The following NXPH2 variants were observed in gnomAD, a reference collection of about 807,000 sequenced individuals.
The protein encoded by NXPH2 is neurexophilin-2.
NXPH2 carries 5 observed loss-of-function variants against 19.8 expected under a neutral mutation model. The observed-to-expected ratio is 0.25, with a 90% CI of 0.13 to 0.53. The LOEUF (loss-of-function observed/expected upper bound fraction) is 0.53. Ranked by LOEUF, NXPH2 falls within the 20% of genes least tolerant of loss-of-function variation. NXPH2 has a pLI of 0.96. For missense variants in NXPH2, 289 were observed against 322.8 expected, an observed-to-expected ratio of 0.90 and a Z score of 0.80; for synonymous variants, 154 against 127.4, an observed-to-expected ratio of 1.21 and a Z score of -1.41.
chr2:138,750,436 C>A (rs950588285), intron 1 of NXPH2, among the ~76,000 whole-genome samples: 6 of 151,650 alleles, frequency 4.0e-5, no homozygotes, highest in Non-Finnish European at 8.8e-5. Flanking sequence ...ATAAAAAAAA[C>A]TCATGACATT....
intron 1 of NXPH2, among the ~76,000 whole-genome samples, chr2:138,713,117 C>T (rs758411542): frequency 5.3e-5 from 8 of 152,176 alleles, no homozygotes; most frequent in Non-Finnish European, 1.0e-4. Context: ...TCCCAAGGGG[C>T]CTCCTTCTGG....
At chr2:138,759,079 G>C (rs1358074651) in intron 1 of NXPH2, among the ~76,000 whole-genome samples, 2 of 152,002 alleles carry the variant, frequency 1.3e-5, no homozygotes, top group Non-Finnish European at 2.9e-5. Flanking sequence ...AGACTCTGGT[G>C]CATCATTTTT....
At chr2:138,691,653 C>T (rs1178165913) in intron 1 of NXPH2, among the ~76,000 whole-genome samples, 2 of 152,088 alleles carry the variant, frequency 1.3e-5, no homozygotes, top group African/African-American at 2.4e-5. Flanking sequence ...GGAACCTGAG[C>T]GACAAGGTAA....
chr2:138,707,476 G>A (rs1681034772), intron 1 of NXPH2, among the ~76,000 whole-genome samples: 1 of 152,154 alleles, frequency 6.6e-6, no homozygotes, highest in Admixed American at 6.5e-5. Flanking sequence ...TACACTGTGA[G>A]TTGGAGCTGG....
At chr2:138,735,923 C>A (rs1003817661) in intron 1 of NXPH2, among the ~76,000 whole-genome samples, 1 of 152,210 alleles carries the variant, frequency 6.6e-6, no homozygotes, top group African/African-American at 2.4e-5. Context: ...GCAAGGCAGT[C>A]AAATCTTAAA....
At chr2:138,711,404 G>A (rs1480476606) in intron 1 of NXPH2, among the ~76,000 whole-genome samples, 1 of 151,878 alleles carries the variant, frequency 6.6e-6, no homozygotes, top group Admixed American at 6.6e-5. Flanking sequence ...GCCTCCCAAA[G>A]TGCTGGGATT....
chr2:138,679,972 G>A (rs13389833), intron 1 of NXPH2, among the ~76,000 whole-genome samples: 114,327 of 151,670 alleles, frequency 0.75, 43,804 homozygotes, highest in African/African-American at 0.83. Context: ...TGCAGAAAAA[G>A]ATCTGTCACT....
At chr2:138,755,355 T>C (rs1681891105) in intron 1 of NXPH2, among the ~76,000 whole-genome samples, 2 of 152,110 alleles carry the variant, frequency 1.3e-5, no homozygotes, top group Admixed American at 6.5e-5. Flanking sequence ...GTGAAAGGTG[T>C]AAGTTTTATG....
Position 138,671,558 on chromosome 2 carries a change from G to A in NXPH2, c.159C>T (p.Ile53=). 1 of 1,613,982 alleles carries A rather than the reference G, an allele frequency of 6.2e-7. No individual in the cohort carries two copies. The highest frequency in any genetic ancestry group is 8.5e-7 in the Non-Finnish European group (1 of 1,179,858). The part of the protein sequence containing the change: ...LVGNVVHSRI[I]SPLRLFVKQS... ...GTTTAACAAACAGGCGCAGGGGACT[G>A]ATGATCCTTGAGTGCACCACGTTGC... The change falls in exon 2 of 2, where the codon ATC becomes ATT. Residue 53 remains isoleucine, a synonymous_variant. Coordinates refer to ENST00000272641, the MANE Select transcript of NXPH2 (RefSeq NM_007226.3).
At chr2:138,733,323 A>G (rs914595057) in intron 1 of NXPH2, among the ~76,000 whole-genome samples, 26 of 152,238 alleles carry the variant, frequency 1.7e-4, no homozygotes, top group African/African-American at 6.0e-4. Context: ...GAAAGAACGG[A>G]TGCGAAGTTA....
chr2:138,672,037 A>G (rs1273734972), intron 1 of NXPH2, among the ~76,000 whole-genome samples: 1 of 152,220 alleles, frequency 6.6e-6, no homozygotes, highest in Non-Finnish European at 1.5e-5. Context: ...CAGGTGGAAG[A>G]CAAAAATAGA....
intron 1 of NXPH2, among the ~76,000 whole-genome samples, chr2:138,735,697 T>C (rs1681528559): frequency 6.6e-6 from 1 of 152,154 alleles, no homozygotes; most frequent in South Asian, 2.1e-4. Flanking sequence ...CCCCAAAGTC[T>C]TAACTCATTT....
intron 1 of NXPH2, among the ~76,000 whole-genome samples, chr2:138,755,541 G>GC (rs1385251827): frequency 6.6e-6 from 1 of 151,870 alleles, no homozygotes; most frequent in Non-Finnish European, 1.5e-5. Context: ...GTCTATATTT[G>GC]CTTTTTTTAA....
chr2:138,729,474 A>G (rs1348355140), intron 1 of NXPH2, among the ~76,000 whole-genome samples: 1 of 152,070 alleles, frequency 6.6e-6, no homozygotes, highest in Non-Finnish European at 1.5e-5. Context: ...TTTATAAATT[A>G]CCCAGTCTTG....
In NXPH2 at chr2:138,707,094, C is replaced by CAAAAAAAAAAAAAAAAAAAAAAAAAAAAA. The variant is rs70982073; in HGVS notation, c.52-35430_52-35429insTTTTTTTTTTTTTTTTTTTTTTTTTTTTT. On this transcript the variant is annotated intron_variant, in intron 1 of 1. Transcript: ENST00000272641. ...ATGACTTTAAGTACTTGCCCCATGACAAAAAAAAAAAAAAAAAAGAGCAAG... is the reference window on the plus strand; with the variant it reads ...ATGACTTTAAGTACTTGCCCCATGACAAAAAAAAAAAAAAAAAAAAAAAAAAAAAAAAAAAAAAAAAAAAAAAGAGCAAG... Among the ~76,000 whole-genome samples the CAAAAAAAAAAAAAAAAAAAAAAAAAAAAA allele has an allele frequency of 1.8e-3, 61 of 34,806 alleles. 17 individuals are homozygous for CAAAAAAAAAAAAAAAAAAAAAAAAAAAAA. Among genetic ancestry groups the CAAAAAAAAAAAAAAAAAAAAAAAAAAAAA allele is most frequent in the East Asian group, 9.6e-3 (5 of 520 alleles). 22.8% of individuals were successfully genotyped at this position (34,806 alleles called of 152,430 possible). A position where few individuals can be genotyped will look rare whatever the true frequency, so the allele number is the denominator to read the frequency against.
chr2:138,700,616 C>A (rs1680905619), intron 1 of NXPH2, among the ~76,000 whole-genome samples: 1 of 152,044 alleles, frequency 6.6e-6, no homozygotes, highest in Admixed American at 6.5e-5. Flanking sequence ...GCTCTTTAGG[C>A]CTCTCTGTTC....
At chr2:138,694,444 TGACTCTGTGAA>T (rs1203351812) in intron 1 of NXPH2, among the ~76,000 whole-genome samples, 13 of 152,118 alleles carry the variant, frequency 8.5e-5, no homozygotes, top group Admixed American at 7.9e-4. Flanking sequence ...TAGACACCAC[TGACTCTGTGAA>T]GACAGAGACA....
chr2:138,679,840 T>C (rs994483794), intron 1 of NXPH2, among the ~76,000 whole-genome samples: 5 of 152,192 alleles, frequency 3.3e-5, no homozygotes, highest in Admixed American at 6.5e-5. Flanking sequence ...AGGATTAAGT[T>C]TATTGCTTCA....
In NXPH2 at chr2:138,752,840, T is replaced by A. The variant is rs75660118; in HGVS notation, c.51+27351A>T. Among the ~76,000 whole-genome samples the A allele has an allele frequency of 6.5e-3, 988 of 152,258 alleles. 8 individuals carry two copies. The highest frequency in any genetic ancestry group is 0.017 in the South Asian group (81 of 4,830). On this transcript the variant is annotated intron_variant, in intron 1 of 1. Transcript: ENST00000272641. ...AAGAATGTGCTACAAGTGGAACTTG[T>A]CTGATGTTTTTCCCATAATCAGACT... is the stretch of plus-strand genomic sequence containing the variant.
Sources: allele counts gnomAD v4.1 joint callset (sites outside exome capture counted in the v4.1 genomes callset), GRCh38; gene constraint gnomAD v4.1.1; transcripts MANE v1.5; gene names NCBI Gene and HGNC (gene_info 2026-07-23, HGNC 2026-07-21).